Variants in GINS2 observed in about 807,000 individuals in gnomAD.
GINS2 encodes GINS complex subunit 2, also known as DNA replication complex GINS protein PSF2.
In GINS2, 23 loss-of-function variants were observed where a neutral mutation model predicts 21.2. The observed-to-expected ratio is 1.08, with a 90% CI of 0.78 to 1.53. The LOEUF is 1.53. GINS2 is among the 40% of genes most tolerant of loss of function. The pLI, the probability that GINS2 is intolerant of heterozygous loss-of-function variation, is 0.00. For synonymous variants in GINS2, 118 were observed against 85.6 expected (o/e 1.38, Z -2.09); for missense variants, 323 against 233.9 (o/e 1.38, Z -2.49).
Position 85,678,151 on chromosome 16 carries a change from G to GTACC in GINS2, c.*57_*60dup. On this transcript the variant is annotated 3_prime_UTR_variant, in exon 5 of 5. Coordinates refer to ENST00000253462, the MANE Select transcript of GINS2 (RefSeq NM_016095.3). Reference sequence around the variant, plus strand: ...TGTTTCTAGAGCTCCAGAACCACGAGTACCTCATCACGTCCTGAGCGCTCA... The same window carrying GTACC: ...TGTTTCTAGAGCTCCAGAACCACGAGTACCTACCTCATCACGTCCTGAGCGCTCA... 1 of 1,510,362 alleles carries GTACC rather than the reference G, an allele frequency of 6.6e-7. No individual in the cohort carries two copies. Among genetic ancestry groups the GTACC allele is most frequent in the Non-Finnish European group, 9.1e-7 (1 of 1,098,614 alleles). The allele number at this position is 1,510,362 out of a possible 1,614,324, so 93.6% of individuals were successfully genotyped here.
At position 85,688,937 on chromosome 16, in the gene GINS2, C is replaced by T. The variant is rs1403711219; in HGVS notation, c.-39G>A. The stretch of plus-strand genomic sequence containing the variant: ...GCAGGCCAGAGCCTCACGGTCTCCT[C>T]GGGCCCCTCAGCGTCCCGGAGGAGA... On this transcript the variant is annotated 5_prime_UTR_variant, in exon 1 of 5. Transcript: ENST00000253462. 1.2e-5 allele frequency: 17 copies of T among 1,430,486 alleles called. No individual in the cohort carries two copies. Among genetic ancestry groups the T allele is most frequent in the Admixed American group, 2.1e-5 (1 of 46,702 alleles). 88.6% of individuals were successfully genotyped at this position (1,430,486 alleles called of 1,614,324 possible). A position where few individuals can be genotyped will look rare whatever the true frequency, so the allele number is the denominator to read the frequency against.
intron 2 of GINS2, among the ~76,000 whole-genome samples, chr16:85,683,879 A>G (rs746567347): frequency 7.9e-5 from 12 of 152,184 alleles, no homozygotes; most frequent in Non-Finnish European, 1.6e-4. Context: ...GGGAACTCAT[A>G]TTTCTTGTAG....
chr16:85,681,518 G>A lies in GINS2; in HGVS notation c.305+64C>T, dbSNP rs116214397. ...AGGGAAGCGGAGAGGAAGGACGAGGGTTAGGGGAAGGGCATGGCGAGTCCA... is the reference window on the plus strand; with the variant it reads ...AGGGAAGCGGAGAGGAAGGACGAGGATTAGGGGAAGGGCATGGCGAGTCCA... On this transcript the variant is annotated intron_variant, in intron 3 of 4. Coordinates refer to ENST00000253462, the MANE Select transcript of GINS2 (RefSeq NM_016095.3). 5.3e-3 allele frequency: 5,095 copies of A among 954,528 alleles called. 145 individuals are homozygous for A. The African/African-American group carries it at 0.064, about 12-fold the overall frequency. The allele number at this position is 954,528 out of a possible 1,614,324, so 59.1% of individuals were successfully genotyped here.
At chr16:85,685,961 A>T (rs905609817) in intron 2 of GINS2, among the ~76,000 whole-genome samples, 1 of 151,944 alleles carries the variant, frequency 6.6e-6, no homozygotes, top group East Asian at 1.9e-4. Flanking sequence ...TTCAAATTCT[A>T]TATGTATGAC....
At chr16:85,683,094 C>T (rs1194743544) in intron 2 of GINS2, among the ~76,000 whole-genome samples, 2 of 152,112 alleles carry the variant, frequency 1.3e-5, no homozygotes, top group Admixed American at 6.5e-5. Flanking sequence ...CAGTAAGGCA[C>T]TCCAGCAGCT....
chr16:85,688,367 G>A (rs143723838), intron 1 of GINS2, among the ~76,000 whole-genome samples: 1 of 151,978 alleles, frequency 6.6e-6, no homozygotes, highest in African/African-American at 2.4e-5. Flanking sequence ...CCAACACGGT[G>A]AAACCACATC....
At chr16:85,687,724 C>A in intron 1 of GINS2, 150 bp from the exon 2 acceptor site, 1 of 530,830 alleles carries the variant, frequency 1.9e-6, no homozygotes. Context: ...AGACTCAGAA[C>A]AAAGCGCCTC....
intron 2 of GINS2, among the ~76,000 whole-genome samples, chr16:85,685,898 C>T (rs1205358351): frequency 4.0e-5 from 6 of 151,222 alleles, no homozygotes; most frequent in East Asian, 3.9e-4. Context: ...AAATCACTCA[C>T]GGCTGAGACC....
In GINS2 at chr16:85,682,709, G is replaced by A. The variant is rs796312883; in HGVS notation, c.206-1028C>T. On this transcript the variant is annotated intron_variant, in intron 2 of 4. Transcript: ENST00000253462. The stretch of plus-strand genomic sequence containing the variant: ...CAAACAGCTGTATCCAATTCCACCA[G>A]CATCAGCACTGTTCTCACACATGCT... 5.3e-5 allele frequency among the ~76,000 whole-genome samples: 8 copies of A among 152,278 alleles called. No homozygotes were observed. The East Asian group carries it at 1.5e-3, about 29-fold the overall frequency.
chr16:85,686,230 C>T (rs1216015242), intron 2 of GINS2, among the ~76,000 whole-genome samples: 8 of 152,040 alleles, frequency 5.3e-5, no homozygotes, highest in African/African-American at 1.9e-4. Context: ...CTGGCTAACA[C>T]GGTGAAACCC....
chr16:85,679,245 C>A (rs2053711936), intron 3 of GINS2, among the ~76,000 whole-genome samples: 1 of 152,204 alleles, frequency 6.6e-6, no homozygotes. Flanking sequence ...TCAAAAATCA[C>A]AGAAGAAACT....
chr16:85,677,561 C>T lies in GINS2; in HGVS notation c.*651G>A, dbSNP rs1167687205. Reference sequence around the variant, plus strand: ...AGGAGACACCCCAGGTGTTGGTCTGCAGTTTCCACTTAACTGCCGTGTGCC... The same window carrying T: ...AGGAGACACCCCAGGTGTTGGTCTGTAGTTTCCACTTAACTGCCGTGTGCC... On this transcript the variant is annotated 3_prime_UTR_variant, in exon 5 of 5. Coordinates refer to ENST00000253462, the MANE Select transcript of GINS2 (RefSeq NM_016095.3). The T allele has an allele frequency of 6.6e-6, 1 of 152,282 alleles. No individual in the cohort carries two copies. The highest frequency in any genetic ancestry group is 1.5e-5 in the Non-Finnish European group (1 of 68,082). 9.4% of individuals were successfully genotyped at this position (152,282 alleles called of 1,614,324 possible).
At chr16:85,681,006 T>C (rs973027517) in intron 3 of GINS2, among the ~76,000 whole-genome samples, 7 of 152,154 alleles carry the variant, frequency 4.6e-5, no homozygotes, top group Non-Finnish European at 7.4e-5. Context: ...ATGTGAAGAA[T>C]GAATGGAAAG....
intron 1 of GINS2, 30 bp downstream of exon 1, chr16:85,688,778 CT>C: frequency 7.1e-7 from 1 of 1,404,220 alleles, no homozygotes; most frequent in Non-Finnish European, 9.6e-7. Flanking sequence ...CCAGCCCGGC[CT>C]CCCCTCCCCA....
chr16:85,685,357 C>T (rs1406023138), intron 2 of GINS2, among the ~76,000 whole-genome samples: 1 of 152,046 alleles, frequency 6.6e-6, no homozygotes, highest in East Asian at 1.9e-4. Flanking sequence ...ATTAATGGAG[C>T]CAGGCCTGGT....
rs549215673 is a variant in GINS2 at position 85,685,250 on chromosome 16, C to T, written c.205+2210G>A. On this transcript the variant is annotated intron_variant, in intron 2 of 4. Transcript: ENST00000253462. ...CTCCACACCTTCTGACTCTAGCCTG[C>T]GATAAAACAGGCCCTTGCCATGTTA... 2.0e-3 allele frequency among the ~76,000 whole-genome samples: 311 copies of T among 152,234 alleles called. 2 individuals carry two copies. The highest frequency in any genetic ancestry group is 7.2e-3 in the African/African-American group (299 of 41,548).
At chr16:85,686,863 T>C (rs926639702) in intron 2 of GINS2, among the ~76,000 whole-genome samples, 4 of 152,262 alleles carry the variant, frequency 2.6e-5, no homozygotes, top group Non-Finnish European at 5.9e-5. Context: ...CTATACTTAT[T>C]TTTAAAATTT....
intron 1 of GINS2, 124 bp downstream of exon 1, chr16:85,688,685 C>A: frequency 2.2e-6 from 1 of 460,638 alleles, no homozygotes; most frequent in Non-Finnish European, 3.8e-6. Flanking sequence ...GAGTCAAGCG[C>A]CGAGTGGTGG....
At position 85,676,305 on chromosome 16, in the gene GINS2, C is replaced by T. The variant is rs1348202084; in HGVS notation, c.*1907G>A. 4 of 152,260 alleles carry T rather than the reference C, an allele frequency of 2.6e-5. No homozygotes were observed. The highest frequency in any genetic ancestry group is 1.9e-4 in the East Asian group (1 of 5,202). The allele number at this position is 152,260 out of a possible 1,614,324, so 9.4% of individuals were successfully genotyped here. ...GGAGCTGCCTCCACTGGCTCAGGCT[C>T]TAAGAGGAGGGCATTAGGACCCCTT... On this transcript the variant is annotated 3_prime_UTR_variant, in exon 5 of 5. Transcript: ENST00000253462.
Sources: gnomAD v4.1 joint callset for allele counts (sites outside exome capture counted in the v4.1 genomes callset) on GRCh38, gnomAD v4.1.1 for gene constraint, MANE v1.5 for transcripts, NCBI Gene and HGNC (gene_info 2026-07-23, HGNC 2026-07-21) for gene names.